Variants in ITGA9 observed in about 807,000 individuals in gnomAD.
ITGA9 encodes integrin subunit alpha 9.
In ITGA9, 56 loss-of-function variants were observed where a neutral mutation model predicts 127.8. That is an observed-to-expected ratio of 0.44 (90% CI 0.35 to 0.55). The LOEUF (loss-of-function observed/expected upper bound fraction) is 0.55, where lower values mean the gene tolerates loss of function less well. Ranked by LOEUF, ITGA9 falls within the 20% of genes least tolerant of loss-of-function variation. The pLI is 0.00. For missense variants in ITGA9, 1,196 were observed against 1,347.1 expected (o/e 0.89, Z 1.76); for synonymous variants, 508 against 514.5 (o/e 0.99, Z 0.17).
intron 16 of ITGA9, among the ~76,000 whole-genome samples, chr3:37,642,214 G>A (rs1418704434): frequency 6.6e-6 from 1 of 152,164 alleles, no homozygotes; most frequent in Admixed American, 6.5e-5. Context: ...CCTAAGTGCT[G>A]GGATTACAGG....
At chr3:37,466,132 C>T (rs1366849582) in intron 1 of ITGA9, among the ~76,000 whole-genome samples, 1 of 152,042 alleles carries the variant, frequency 6.6e-6, no homozygotes, top group Non-Finnish European at 1.5e-5. Flanking sequence ...TATGTGCCTG[C>T]TACATGCTGG....
rs543297344 is a variant in ITGA9 at position 37,518,771 on chromosome 3, C to CTTTTTTTTTT, written c.1142-467_1142-458dup. The stretch of plus-strand genomic sequence containing the variant: ...GTCAGCTTCTATAGTTTTCACTGTA[C>CTTTTTTTTTT]TTTTTTTTTTTTTTTTTTTTTTTTT... On this transcript the variant is annotated intron_variant, in intron 10 of 27. Coordinates refer to ENST00000264741, the MANE Select transcript of ITGA9 (RefSeq NM_002207.3). Among the ~76,000 whole-genome samples, 28 of 43,510 alleles carry CTTTTTTTTTT rather than the reference C, an allele frequency of 6.4e-4. 8 individuals are homozygous for CTTTTTTTTTT. Among genetic ancestry groups the CTTTTTTTTTT allele is most frequent in the African/African-American group, 1.8e-3 (19 of 10,718 alleles). 28.5% of individuals were successfully genotyped at this position (43,510 alleles called of 152,430 possible). A position where few individuals can be genotyped will look rare whatever the true frequency, so the allele number is the denominator to read the frequency against.
intron 18 of ITGA9, among the ~76,000 whole-genome samples, chr3:37,693,761 A>G (rs114320663): frequency 1.1e-3 from 172 of 152,296 alleles, no homozygotes; most frequent in African/African-American, 4.0e-3. Context: ...TGAGCAACAG[A>G]ATGGTTCTTA....
At chr3:37,523,961 C>T (rs1462176964) in intron 12 of ITGA9, among the ~76,000 whole-genome samples, 1 of 152,172 alleles carries the variant, frequency 6.6e-6, no homozygotes, top group African/African-American at 2.4e-5. Flanking sequence ...TCAAAGGCTT[C>T]TTACTCTTGA....
At chr3:37,501,512 T>A (rs1370368534) in intron 5 of ITGA9, among the ~76,000 whole-genome samples, 1 of 152,182 alleles carries the variant, frequency 6.6e-6, no homozygotes, top group Admixed American at 6.5e-5. Context: ...GTATACCATG[T>A]CGTCTCTGTC....
At chr3:37,818,197 A>T (rs1469043597) in intron 27 of ITGA9, 1 of 148,312 alleles carries the variant, frequency 6.7e-6, no homozygotes, top group African/African-American at 2.5e-5. Flanking sequence ...TCTCTAAAAA[A>T]AAAAAAAAAA....
intron 18 of ITGA9, among the ~76,000 whole-genome samples, chr3:37,700,400 A>G (rs1427110429): frequency 6.7e-6 from 1 of 149,130 alleles, no homozygotes; most frequent in Non-Finnish European, 1.5e-5. Flanking sequence ...GTTGCCCAGG[A>G]TAGAGTGCAG....
At position 37,712,954 on chromosome 3, in the gene ITGA9, A is replaced by G. The variant is rs563625129; in HGVS notation, c.2068-19758A>G. ...GAAGTGTTGGCACTCAGAGCAGGCA[A>G]GTAGCTTGGCCAGAGTCTCACAGAT... On this transcript the variant is annotated intron_variant, in intron 18 of 27. Coordinates refer to ENST00000264741, the MANE Select transcript of ITGA9 (RefSeq NM_002207.3). Among the ~76,000 whole-genome samples, 3 of 152,302 alleles carry G rather than the reference A, an allele frequency of 2.0e-5. No individual in the cohort carries two copies. In the East Asian group the frequency reaches 5.8e-4, roughly 29 times the overall value.
chr3:37,534,418 C>A (rs1215448546), intron 14 of ITGA9, among the ~76,000 whole-genome samples: 4 of 152,228 alleles, frequency 2.6e-5, no homozygotes, highest in Non-Finnish European at 5.9e-5. Context: ...GAATCAGAAT[C>A]TTCATTTTCA....
chr3:37,618,942 C>T (rs550710392), intron 15 of ITGA9, among the ~76,000 whole-genome samples: 7 of 152,148 alleles, frequency 4.6e-5, no homozygotes, highest in South Asian at 2.1e-4. Flanking sequence ...TGCTTCGGCT[C>T]ACGCTTGGTG....
chr3:37,790,503 C>A (rs192589817), intron 26 of ITGA9: 1 of 305,620 alleles, frequency 3.3e-6, no homozygotes, highest in East Asian at 8.0e-5. Context: ...CACAGGAAGC[C>A]TCCAGGGCGT....
At chr3:37,500,302 A>G (rs1458185469) in intron 5 of ITGA9, among the ~76,000 whole-genome samples, 1 of 152,216 alleles carries the variant, frequency 6.6e-6, no homozygotes, top group Non-Finnish European at 1.5e-5. Flanking sequence ...CTATTTTTAT[A>G]AAACAGTGAG....
At chr3:37,654,190 CCACACACACACACA>C (rs67516814) in intron 17 of ITGA9, among the ~76,000 whole-genome samples, 46 of 146,404 alleles carry the variant, frequency 3.1e-4, no homozygotes, top group East Asian at 6.0e-4. Context: ...CCTCCTGCCT[CCACACACACACACA>C]CACACACACA....
intron 23 of ITGA9, among the ~76,000 whole-genome samples, chr3:37,753,451 G>A (rs532196096): frequency 1.9e-3 from 285 of 152,330 alleles, no homozygotes; most frequent in African/African-American, 6.5e-3. Flanking sequence ...CTTAGAGGAT[G>A]TCTAGTTCAC....
intron 14 of ITGA9, among the ~76,000 whole-genome samples, chr3:37,541,465 A>G (rs946983336): frequency 6.6e-6 from 1 of 152,188 alleles, no homozygotes; most frequent in Non-Finnish European, 1.5e-5. Flanking sequence ...ATACCTATCT[A>G]TTTACTTATT....
At chr3:37,655,111 G>C (rs976781929) in intron 17 of ITGA9, among the ~76,000 whole-genome samples, 1 of 152,142 alleles carries the variant, frequency 6.6e-6, no homozygotes, top group African/African-American at 2.4e-5. Flanking sequence ...ATTTGGGTTG[G>C]TTCTAAGTCT....
chr3:37,819,184 C>T lies in ITGA9; in HGVS notation c.*195C>T. The T allele has an allele frequency of 1.6e-6, 1 of 615,746 alleles. No homozygotes were observed. The highest frequency in any genetic ancestry group is 2.9e-6 in the Non-Finnish European group (1 of 343,444). The allele number at this position is 615,746 out of a possible 1,614,324, so 38.1% of individuals were successfully genotyped here. On this transcript the variant is annotated 3_prime_UTR_variant, in exon 28 of 28. Coordinates refer to ENST00000264741, the MANE Select transcript of ITGA9 (RefSeq NM_002207.3). The stretch of plus-strand genomic sequence containing the variant: ...CAGGTCACACGACCGGGGCCAGCAC[C>T]ACTTCCTTTAAAGATGAACTCTGAA...
chr3:37,814,780 A>G lies in ITGA9; in HGVS notation c.3010-4111A>G, dbSNP rs1041539752. Among the ~76,000 whole-genome samples, 1 of 152,176 alleles carries G rather than the reference A, an allele frequency of 6.6e-6. No homozygotes were observed. Among genetic ancestry groups the G allele is most frequent in the African/African-American group, 2.4e-5 (1 of 41,436 alleles). On this transcript the variant is annotated intron_variant, in intron 27 of 27. Transcript: ENST00000264741. This position sits in a 1 kb window ranked among gnomAD's most constrained non-coding sequence, Gnocchi z 4.3. ...TATAATAAACTTATACACATACATG[A>G]TATCTGTGATGTGAGTGGTATCCCC...
At chr3:37,736,272 A>G (rs867038187) in intron 19 of ITGA9, among the ~76,000 whole-genome samples, 6 of 152,158 alleles carry the variant, frequency 3.9e-5, no homozygotes, top group African/African-American at 9.7e-5. Context: ...AGACTTTTCA[A>G]TAGTCTTCCA....
Sources: allele counts gnomAD v4.1 joint callset (sites outside exome capture counted in the v4.1 genomes callset), GRCh38; gene constraint gnomAD v4.1.1; non-coding constraint Gnocchi (gnomAD v3.1); transcripts MANE v1.5; gene names NCBI Gene and HGNC (gene_info 2026-07-23, HGNC 2026-07-21).